RABGAP1L: variants seen among roughly 807,000 people sequenced by gnomAD.
The protein encoded by RABGAP1L is RAB GTPase activating protein 1 like, also known as rab GTPase-activating protein 1-like.
RABGAP1L carries 63 observed loss-of-function variants against 137.7 expected under a neutral mutation model. The ratio of observed to expected loss-of-function variants is 0.46; its 90% CI spans 0.37 to 0.56. The LOEUF (loss-of-function observed/expected upper bound fraction) is 0.56, where lower values mean the gene tolerates loss of function less well. RABGAP1L is among the 20% of genes least tolerant of loss of function. The pLI, the probability that RABGAP1L is intolerant of heterozygous loss-of-function variation, is 0.00. For synonymous variants in RABGAP1L, 431 were observed against 433.7 expected, an observed-to-expected ratio of 0.99 and a Z score of 0.08; for missense variants, 1,095 against 1,244.0, an observed-to-expected ratio of 0.88 and a Z score of 1.80.
intron 11 of RABGAP1L, among the ~76,000 whole-genome samples, chr1:174,349,120 C>CCCT: frequency 7.7e-6 from 1 of 130,464 alleles, no homozygotes. Flanking sequence ...ACCCCCACCT[C>CCCT]CCGGACGGGG....
chr1:174,559,416 T>C (rs922618709), intron 13 of RABGAP1L, among the ~76,000 whole-genome samples: 1 of 152,224 alleles, frequency 6.6e-6, no homozygotes. Flanking sequence ...CTTATCCGCA[T>C]CTTTGATAAT....
chr1:174,731,076 G>C (rs1393813955), intron 17 of RABGAP1L, among the ~76,000 whole-genome samples: 1 of 152,168 alleles, frequency 6.6e-6, no homozygotes, highest in African/African-American at 2.4e-5. Context: ...CTGGGTTCAA[G>C]CTATTCTCCT....
At chr1:174,849,178 C>G (rs1230273546) in intron 19 of RABGAP1L, among the ~76,000 whole-genome samples, 1 of 152,166 alleles carries the variant, frequency 6.6e-6, no homozygotes, top group Non-Finnish European at 1.5e-5. Context: ...ATGCAGAAAT[C>G]ACCCGTCTTC....
At chr1:174,637,574 C>A in intron 14 of RABGAP1L, 86 bp downstream of exon 14, 1 of 942,224 alleles carries the variant, frequency 1.1e-6, no homozygotes, top group Non-Finnish European at 1.7e-6. Context: ...ACTCTGTCTT[C>A]ATTTCTTATT....
chr1:174,210,541 G>A (rs766478183), intron 1 of RABGAP1L, among the ~76,000 whole-genome samples: 1 of 151,986 alleles, frequency 6.6e-6, no homozygotes, highest in Non-Finnish European at 1.5e-5. Context: ...AATACACAGA[G>A]GAGACAAAAG....
intron 13 of RABGAP1L, among the ~76,000 whole-genome samples, chr1:174,566,482 T>A (rs1204273822): frequency 6.6e-6 from 1 of 152,146 alleles, no homozygotes; most frequent in Admixed American, 6.6e-5. Flanking sequence ...TAAGACTGCA[T>A]AATCCAGCAA....
In RABGAP1L at chr1:174,286,550, A is replaced by G. The variant is rs1676067129; in HGVS notation, c.1323+7771A>G. Among the ~76,000 whole-genome samples the G allele has an allele frequency of 6.6e-5, 10 of 151,216 alleles. No individual in the cohort carries two copies. The South Asian group carries it at 2.1e-3, about 32-fold the overall frequency. On this transcript the variant is annotated intron_variant, in intron 10 of 25. Transcript: ENST00000681986. ...CTTTTCTGTTGTTTTACTCTTCTCT[A>G]TTTCATTTATTTCTGCTCCAGTCTT...
At chr1:174,263,994 C>T (rs993856733) in intron 7 of RABGAP1L, among the ~76,000 whole-genome samples, 1 of 151,684 alleles carries the variant, frequency 6.6e-6, no homozygotes, top group African/African-American at 2.4e-5. Context: ...GTAATAGTAG[C>T]ATAGTTGTTT....
chr1:174,550,909 T>TAC (rs1159259220), intron 13 of RABGAP1L, among the ~76,000 whole-genome samples: 20 of 46,276 alleles, frequency 4.3e-4, no homozygotes, highest in Admixed American at 7.0e-4. Flanking sequence ...CACACACATA[T>TAC]ACACACACAC....
chr1:174,737,391 C>G lies in RABGAP1L; in HGVS notation c.2170-14922C>G, dbSNP rs146438050. Among the ~76,000 whole-genome samples the G allele has an allele frequency of 3.3e-5, 5 of 152,234 alleles. No individual in the cohort carries two copies. The East Asian group carries it at 9.7e-4, about 29-fold the overall frequency. ...TTTGGTAGGGAATAACAAGGGTGAC[C>G]TTTGCTCCAGTTCCTAATAAATTCC... is the stretch of plus-strand genomic sequence containing the variant. On this transcript the variant is annotated intron_variant, in intron 17 of 25. Transcript: ENST00000681986.
chr1:174,267,508 G>A (rs1011679733), intron 7 of RABGAP1L, among the ~76,000 whole-genome samples: 1 of 152,090 alleles, frequency 6.6e-6, no homozygotes, highest in Non-Finnish European at 1.5e-5. Flanking sequence ...TGTTCCAGGG[G>A]AAATGACTCT....
intron 12 of RABGAP1L, among the ~76,000 whole-genome samples, chr1:174,384,710 C>G (rs1037924975): frequency 2.0e-5 from 3 of 152,078 alleles, no homozygotes; most frequent in African/African-American, 4.8e-5. Context: ...AAAGTTATGT[C>G]AAGTGCACAT....
At chr1:174,650,687 T>C (rs914206184) in intron 14 of RABGAP1L, among the ~76,000 whole-genome samples, 2 of 151,346 alleles carry the variant, frequency 1.3e-5, no homozygotes, top group African/African-American at 4.9e-5. Flanking sequence ...GATATCCCCT[T>C]TATCATTTTT....
chr1:174,426,469 T>C (rs1651976447), intron 13 of RABGAP1L, among the ~76,000 whole-genome samples: 1 of 151,784 alleles, frequency 6.6e-6, no homozygotes, highest in African/African-American at 2.4e-5. Flanking sequence ...CAAATACGTC[T>C]TAATATATGT....
chr1:174,615,681 G>A (rs147043154), intron 13 of RABGAP1L, among the ~76,000 whole-genome samples: 3,442 of 152,346 alleles, frequency 0.023, 62 homozygotes, highest in Middle Eastern at 0.085. Context: ...GCCCCCAGAG[G>A]TGGAGCCTAC....
At chr1:174,682,543 A>G (rs998412774) in intron 14 of RABGAP1L, among the ~76,000 whole-genome samples, 4 of 152,098 alleles carry the variant, frequency 2.6e-5, no homozygotes, top group African/African-American at 2.4e-5. Context: ...AATATTTACT[A>G]TCCAAACTTT....
chr1:174,909,454 T>C (rs1304678332), intron 19 of RABGAP1L, among the ~76,000 whole-genome samples: 2 of 152,300 alleles, frequency 1.3e-5, no homozygotes, highest in African/African-American at 2.4e-5. Flanking sequence ...CTTGAACTGC[T>C]GAGCTCAAGC....
intron 17 of RABGAP1L, among the ~76,000 whole-genome samples, chr1:174,733,018 G>T (rs981798637): frequency 6.6e-6 from 1 of 151,750 alleles, no homozygotes; most frequent in Non-Finnish European, 1.5e-5. Context: ...ACCCTCTGAG[G>T]TATCTATAAG....
At chr1:174,940,813 A>G (rs1214791763) in intron 19 of RABGAP1L, among the ~76,000 whole-genome samples, 2 of 152,192 alleles carry the variant, frequency 1.3e-5, no homozygotes, top group Non-Finnish European at 2.9e-5. Context: ...TCATATTCCA[A>G]ATTGCTTCTC....
Sources: allele counts gnomAD v4.1 joint callset (sites outside exome capture counted in the v4.1 genomes callset), GRCh38; gene constraint gnomAD v4.1.1; transcripts MANE v1.5; gene names NCBI Gene and HGNC (gene_info 2026-07-23, HGNC 2026-07-21).